The following IRF2 variants were observed in gnomAD, a reference collection of about 807,000 sequenced individuals.
IRF2 encodes the protein interferon regulatory factor 2.
A neutral mutation model predicts 40.6 loss-of-function variants in IRF2; 15 were observed. That is an observed-to-expected ratio of 0.37 (90% CI 0.25 to 0.57). IRF2 has a LOEUF of 0.57. IRF2 is among the 20% of genes least tolerant of loss of function. The probability of loss-of-function intolerance (pLI) is 0.77; values close to 1 mark genes in which losing one functional copy is unlikely to be tolerated. For synonymous variants in IRF2, 151 were observed against 165.5 expected (o/e 0.91, Z 0.67); for missense variants, 317 against 455.7 (o/e 0.70, Z 2.77).
At chr4:184,409,821 C>T (rs878872463) in intron 5 of IRF2, among the ~76,000 whole-genome samples, 15 of 151,276 alleles carry the variant, frequency 9.9e-5, no homozygotes, top group South Asian at 2.1e-4. Flanking sequence ...CTCCTGAGCC[C>T]GGGAGTTCAA....
At position 184,436,819 on chromosome 4, in the gene IRF2, A is replaced by G. The variant is rs145183710; in HGVS notation, c.-6-7749T>C. Among the ~76,000 whole-genome samples, 43 of 152,268 alleles carry G rather than the reference A, an allele frequency of 2.8e-4. 1 individual carries two copies. The highest frequency in any genetic ancestry group is 1.0e-3 in the African/African-American group (42 of 41,540). ...GGTGTGTGAGAAGCAAGCACTGGGT[A>G]TTTCACATCAATCATCTTTAACTCT... On this transcript the variant is annotated intron_variant, in intron 1 of 8. Coordinates refer to ENST00000393593, the MANE Select transcript of IRF2 (RefSeq NM_002199.4).
At chr4:184,473,148 C>T (rs1739579618) in intron 1 of IRF2, among the ~76,000 whole-genome samples, 1 of 151,966 alleles carries the variant, frequency 6.6e-6, no homozygotes, top group African/African-American at 2.4e-5. Flanking sequence ...GAAGTGGCGG[C>T]CGCCGCGGCT....
chr4:184,434,060 C>G (rs931990201), intron 1 of IRF2, among the ~76,000 whole-genome samples: 1 of 152,202 alleles, frequency 6.6e-6, no homozygotes, highest in African/African-American at 2.4e-5. Context: ...GATGCTTACT[C>G]GGTATGTATC....
At chr4:184,401,903 A>T (rs1026233468) in intron 6 of IRF2, among the ~76,000 whole-genome samples, 8 of 152,216 alleles carry the variant, frequency 5.3e-5, no homozygotes, top group Non-Finnish European at 1.0e-4. Flanking sequence ...GCCAGCTGGG[A>T]CTACAAACAA....
intron 7 of IRF2, among the ~76,000 whole-genome samples, chr4:184,396,844 C>T (rs1351707975): frequency 1.3e-5 from 2 of 152,008 alleles, no homozygotes; most frequent in South Asian, 2.1e-4. Context: ...AGCTCATGCC[C>T]GTAATCCCAG....
At chr4:184,431,243 G>A (rs1341746128) in intron 1 of IRF2, among the ~76,000 whole-genome samples, 1 of 152,160 alleles carries the variant, frequency 6.6e-6, no homozygotes, top group Non-Finnish European at 1.5e-5. Flanking sequence ...TGCTGCTCTT[G>A]GTCTCATTCA....
rs1348907077 is a variant in IRF2, at chr4:184,398,910, C to T, written c.694+5G>A. 2.5e-6 allele frequency: 4 copies of T among 1,594,570 alleles called. No homozygotes were observed. Among genetic ancestry groups the T allele is most frequent in the Non-Finnish European group, 3.4e-6 (4 of 1,172,072 alleles). On this transcript the variant is annotated splice_donor_5th_base_variant and intron_variant, in intron 7 of 8. Coordinates refer to ENST00000393593, the MANE Select transcript of IRF2 (RefSeq NM_002199.4). ...CGCCTCCCGGAGCCTCCCGCTGACGCTTACCTGCATAGGAAGACACGGGGG... is the reference window on the plus strand; with the variant it reads ...CGCCTCCCGGAGCCTCCCGCTGACGTTTACCTGCATAGGAAGACACGGGGG...
chr4:184,461,609 A>T (rs1400676447), intron 1 of IRF2, among the ~76,000 whole-genome samples: 1 of 152,148 alleles, frequency 6.6e-6, no homozygotes, highest in Non-Finnish European at 1.5e-5. Flanking sequence ...CTGAATAAAC[A>T]CCTGCTAAAT....
intron 7 of IRF2, among the ~76,000 whole-genome samples, chr4:184,392,633 C>G (rs770320168): frequency 1.3e-5 from 2 of 152,260 alleles, no homozygotes; most frequent in Non-Finnish European, 2.9e-5. Context: ...CCAGCCCAGA[C>G]AGAGCCCTTT....
intron 1 of IRF2, among the ~76,000 whole-genome samples, chr4:184,460,125 A>C (rs1739081527): frequency 6.6e-6 from 1 of 152,256 alleles, no homozygotes; most frequent in Admixed American, 6.5e-5. Flanking sequence ...GGACGAACAC[A>C]ATCTAGGAAT....
rs1310197663 is a variant in IRF2 at position 184,387,861 on chromosome 4, T to C, written c.*897A>G. 1.3e-5 allele frequency: 2 copies of C among 152,380 alleles called. No individual in the cohort carries two copies. Among genetic ancestry groups the C allele is most frequent in the East Asian group, 3.8e-4 (2 of 5,196 alleles). 9.4% of individuals were successfully genotyped at this position (152,380 alleles called of 1,614,324 possible). A position where few individuals can be genotyped will look rare whatever the true frequency, so the allele number is the denominator to read the frequency against. On this transcript the variant is annotated 3_prime_UTR_variant, in exon 9 of 9. Coordinates refer to ENST00000393593, the MANE Select transcript of IRF2 (RefSeq NM_002199.4). ...GCCACAAGGATGTAATAACAACTGC[T>C]GATAAACAAGAAAAGGAATCTTAAA...
chr4:184,461,030 C>A (rs1438754234), intron 1 of IRF2, among the ~76,000 whole-genome samples: 1 of 152,060 alleles, frequency 6.6e-6, no homozygotes, highest in Non-Finnish European at 1.5e-5. Context: ...AAAATAGTGC[C>A]AAGAGTTCCT....
intron 1 of IRF2, among the ~76,000 whole-genome samples, chr4:184,459,755 G>T (rs1205119310): frequency 1.3e-5 from 2 of 152,192 alleles, no homozygotes; most frequent in East Asian, 3.8e-4. Flanking sequence ...ATGAAGTGAT[G>T]CTCAGCATCA....
chr4:184,388,980 G>A lies in IRF2; in HGVS notation c.828C>T (p.Gly276=). The change falls in exon 9 of 9, where the codon GGC becomes GGT. Residue 276 remains glycine, a synonymous_variant. Transcript: ENST00000393593. The surrounding 1 kb of genome is among the most constrained non-coding windows in gnomAD (Gnocchi z 4.6). ...TGTTGGAAGTGACGAAGGACGCCAT[G>A]CCGGGCAGCAGGTAGGAGCCTCGAG... ...MGTRGSYLLP[G]MASFVTSNKP... is the part of the protein sequence containing the mutation. 1 of 1,614,242 alleles carries A rather than the reference G, an allele frequency of 6.2e-7. No homozygotes were observed. Among genetic ancestry groups the A allele is most frequent in the Non-Finnish European group, 8.5e-7 (1 of 1,180,040 alleles).
intron 2 of IRF2, among the ~76,000 whole-genome samples, chr4:184,424,578 G>A (rs981193174): frequency 6.6e-6 from 1 of 152,152 alleles, no homozygotes; most frequent in Non-Finnish European, 1.5e-5. Flanking sequence ...TCCCCGCACC[G>A]GGTGATATCC....
chr4:184,401,583 TAG>T (rs926309157), intron 6 of IRF2, among the ~76,000 whole-genome samples: 2 of 152,186 alleles, frequency 1.3e-5, no homozygotes, highest in African/African-American at 2.4e-5. Context: ...TGCAGGTCAC[TAG>T]ACACAGACTG....
At chr4:184,403,022 T>G (rs1051290171) in intron 6 of IRF2, among the ~76,000 whole-genome samples, 7 of 152,222 alleles carry the variant, frequency 4.6e-5, no homozygotes. Flanking sequence ...AAAGTCAGTC[T>G]GTTTTCTGGG....
intron 1 of IRF2, among the ~76,000 whole-genome samples, chr4:184,468,029 T>C (rs573589620): frequency 2.0e-5 from 3 of 152,200 alleles, no homozygotes; most frequent in Non-Finnish European, 4.4e-5. Flanking sequence ...AGCCATTCTT[T>C]GTCAACTCCG....
intron 1 of IRF2, among the ~76,000 whole-genome samples, chr4:184,455,301 C>CTTTTTT (rs1238177005): frequency 1.7e-3 from 54 of 31,940 alleles, no homozygotes; most frequent in Non-Finnish European, 1.8e-3. Context: ...CCTTCTTCTT[C>CTTTTTT]TTTTTTTTTT....
Sources: allele counts gnomAD v4.1 joint callset (sites outside exome capture counted in the v4.1 genomes callset), GRCh38; gene constraint gnomAD v4.1.1; non-coding constraint Gnocchi (gnomAD v3.1); transcripts MANE v1.5; gene names NCBI Gene and HGNC (gene_info 2026-07-23, HGNC 2026-07-21).